The following BMPR1B variants were observed in gnomAD, a reference collection of about 807,000 sequenced individuals.
BMPR1B encodes bone morphogenetic protein receptor type 1B, also known as bone morphogenetic protein receptor type-1B.
In BMPR1B, 12 loss-of-function variants were observed where a neutral mutation model predicts 59.1. That is an observed-to-expected ratio of 0.20 (90% CI 0.13 to 0.33). The LOEUF is 0.33. Ranked by LOEUF, BMPR1B falls within the 10% of genes least tolerant of loss-of-function variation. The pLI, the probability that BMPR1B is intolerant of heterozygous loss-of-function variation, is 1.00. For missense variants in BMPR1B, 550 were observed against 610.9 expected, an observed-to-expected ratio of 0.90 and a Z score of 1.05; for synonymous variants, 237 against 207.3, an observed-to-expected ratio of 1.14 and a Z score of -1.23.
intron 3 of BMPR1B, among the ~76,000 whole-genome samples, chr4:95,053,686 G>A (rs1394473191): frequency 1.3e-5 from 2 of 152,046 alleles, no homozygotes; most frequent in Admixed American, 6.6e-5. Context: ...CATCCAACAG[G>A]TCATCTTAGT....
At chr4:94,858,240 G>A (rs879693109) in intron 1 of BMPR1B, among the ~76,000 whole-genome samples, 35 of 152,188 alleles carry the variant, frequency 2.3e-4, no homozygotes, top group Non-Finnish European at 4.0e-4. Context: ...GTGAGCCACC[G>A]TGCCTGGCCA....
chr4:95,067,935 A>G (rs1017071995), intron 3 of BMPR1B, among the ~76,000 whole-genome samples: 1 of 152,162 alleles, frequency 6.6e-6, no homozygotes, highest in Non-Finnish European at 1.5e-5. Context: ...GAACTAAAGG[A>G]TGATAAGGCA....
chr4:95,026,132 T>TTCTTTCTTTCTC (rs1724384751), intron 3 of BMPR1B, among the ~76,000 whole-genome samples: 1 of 148,758 alleles, frequency 6.7e-6, no homozygotes, highest in Non-Finnish European at 1.5e-5. Context: ...CTTTCTTTCT[T>TTCTTTCTTTCTC]TCTTTCTTTC....
At chr4:94,936,260 T>C (rs996838861) in intron 2 of BMPR1B, among the ~76,000 whole-genome samples, 3 of 152,200 alleles carry the variant, frequency 2.0e-5, no homozygotes, top group African/African-American at 7.2e-5. Context: ...TGCCAAGTTA[T>C]ACAGAGGCAG....
At chr4:94,815,130 C>T (rs1723962538) in intron 1 of BMPR1B, among the ~76,000 whole-genome samples, 1 of 152,134 alleles carries the variant, frequency 6.6e-6, no homozygotes, top group African/African-American at 2.4e-5. Flanking sequence ...GTCTCAAACT[C>T]CTAACCTCAG....
At chr4:95,134,232 A>T (rs1475259570) in intron 10 of BMPR1B, among the ~76,000 whole-genome samples, 1 of 152,188 alleles carries the variant, frequency 6.6e-6, no homozygotes, top group South Asian at 2.1e-4. Flanking sequence ...ATAGTATTCC[A>T]TGGTGTATAT....
chr4:94,846,566 C>T (rs1470745527), intron 1 of BMPR1B, among the ~76,000 whole-genome samples: 1 of 152,112 alleles, frequency 6.6e-6, no homozygotes, highest in Admixed American at 6.6e-5. Context: ...ATGCTTCCTG[C>T]CCTTGAACAT....
chr4:94,957,333 G>GT (rs56341742), intron 2 of BMPR1B, among the ~76,000 whole-genome samples: 990 of 65,638 alleles, frequency 0.015, 70 homozygotes, highest in African/African-American at 0.03. Context: ...CCTGTTTCGT[G>GT]TTTTTTTTTT....
intron 2 of BMPR1B, among the ~76,000 whole-genome samples, chr4:94,885,160 C>T (rs1727122241): frequency 6.6e-6 from 1 of 152,172 alleles, no homozygotes. Flanking sequence ...GGGAACCCAG[C>T]TGAGACCTGA....
intron 2 of BMPR1B, among the ~76,000 whole-genome samples, chr4:94,929,721 C>T (rs1361886952): frequency 6.6e-6 from 1 of 152,002 alleles, no homozygotes; most frequent in Admixed American, 6.6e-5. Flanking sequence ...GTAGCTGATG[C>T]CTCTCATATC....
At chr4:94,987,453 T>A (rs1043960861) in intron 2 of BMPR1B, among the ~76,000 whole-genome samples, 2 of 151,990 alleles carry the variant, frequency 1.3e-5, no homozygotes, top group Admixed American at 6.6e-5. Context: ...TTTTCTGAGC[T>A]ACTGCCATAT....
chr4:94,862,299 G>A (rs748524269), intron 1 of BMPR1B, among the ~76,000 whole-genome samples: 24 of 151,490 alleles, frequency 1.6e-4, no homozygotes, highest in Non-Finnish European at 3.2e-4. Flanking sequence ...ACAGGCATGC[G>A]CCACCATGCC....
chr4:95,096,642 GC>G (rs1405110077), intron 3 of BMPR1B, among the ~76,000 whole-genome samples: 1 of 148,594 alleles, frequency 6.7e-6, no homozygotes, highest in Non-Finnish European at 1.5e-5. Context: ...GCTTCCAAAA[GC>G]CTTACTTTTT....
intron 3 of BMPR1B, among the ~76,000 whole-genome samples, chr4:95,099,341 T>G (rs1252578152): frequency 6.6e-6 from 1 of 152,212 alleles, no homozygotes; most frequent in Non-Finnish European, 1.5e-5. Flanking sequence ...ACAAGGAATT[T>G]GTAAATGCAT....
chr4:95,038,451 T>G (rs2149168173), intron 3 of BMPR1B, among the ~76,000 whole-genome samples: 1 of 152,336 alleles, frequency 6.6e-6, no homozygotes, highest in African/African-American at 2.4e-5. Flanking sequence ...CATAGGCTAT[T>G]TCTATTTGTA....
intron 2 of BMPR1B, among the ~76,000 whole-genome samples, chr4:94,952,163 G>T (rs1443737074): frequency 1.3e-5 from 2 of 151,736 alleles, no homozygotes; most frequent in South Asian, 2.1e-4. Flanking sequence ...TTCTTTATTA[G>T]TCTGGCTAGC....
chr4:94,815,459 TAC>T (rs1723976440), intron 1 of BMPR1B, among the ~76,000 whole-genome samples: 2 of 152,232 alleles, frequency 1.3e-5, no homozygotes, highest in Non-Finnish European at 2.9e-5. Context: ...AAAGTGGAAT[TAC>T]TAGGAAAAGG....
Position 95,030,925 on chromosome 4 carries a change from C to T in BMPR1B, c.-18+34791C>T, listed in dbSNP as rs532518059. Among the ~76,000 whole-genome samples, 275 of 152,136 alleles carry T rather than the reference C, an allele frequency of 1.8e-3. 2 individuals carry two copies. Among genetic ancestry groups the T allele is most frequent in the Non-Finnish European group, 2.9e-3 (200 of 68,006 alleles). ...GCTCATGGGTAGGAAGAATCAGTAT[C>T]GTGAAAATGGCCATACTGCCCAAGG... On this transcript the variant is annotated intron_variant, in intron 3 of 12. Coordinates refer to ENST00000515059, the MANE Select transcript of BMPR1B (RefSeq NM_001203.3).
At chr4:95,047,896 C>G (rs1000964573) in intron 3 of BMPR1B, among the ~76,000 whole-genome samples, 4 of 152,128 alleles carry the variant, frequency 2.6e-5, no homozygotes, top group Non-Finnish European at 5.9e-5. Flanking sequence ...GATCCAGTCA[C>G]CCTGGTAGTG....
Sources: allele counts gnomAD v4.1 joint callset (sites outside exome capture counted in the v4.1 genomes callset), GRCh38; gene constraint gnomAD v4.1.1; transcripts MANE v1.5; gene names NCBI Gene and HGNC (gene_info 2026-07-23, HGNC 2026-07-21).